Variants in EHBP1 observed in about 807,000 individuals in gnomAD.
EHBP1 encodes the protein EH domain binding protein 1, also known as EH domain-binding protein 1.
Under a neutral mutation model 144.0 loss-of-function variants are expected in EHBP1, and 55 were observed. The ratio of observed to expected loss-of-function variants is 0.38; its 90% CI spans 0.31 to 0.48. The LOEUF (loss-of-function observed/expected upper bound fraction) is 0.48. Ranked by LOEUF, EHBP1 falls within the 20% of genes least tolerant of loss-of-function variation. The probability of loss-of-function intolerance (pLI) is 0.98; values close to 1 mark genes in which losing one functional copy is unlikely to be tolerated. For synonymous variants in EHBP1, 469 were observed against 472.7 expected, an observed-to-expected ratio of 0.99 and a Z score of 0.10; for missense variants, 1,200 against 1,364.2, an observed-to-expected ratio of 0.88 and a Z score of 1.90.
chr2:63,035,051 T>C (rs985047867), intron 19 of EHBP1, among the ~76,000 whole-genome samples: 1 of 152,046 alleles, frequency 6.6e-6, no homozygotes, highest in Admixed American at 6.6e-5. Context: ...TTGTTACTTA[T>C]AAAGCTAAAG....
rs2041601796 is a variant in EHBP1, at chr2:62,770,813, C to G, written c.259-526C>G. 2.0e-5 allele frequency among the ~76,000 whole-genome samples: 3 copies of G among 152,186 alleles called. No individual in the cohort carries two copies. In the South Asian group the frequency reaches 6.2e-4, roughly 32 times the overall value. On this transcript the variant is annotated intron_variant, in intron 4 of 22. Transcript: ENST00000431489. ...TGTTGTATATGTATACAGTGGAATA[C>G]TATGCGGCCATAAAAAGGAATGAGA...
Position 62,871,690 on chromosome 2 carries a change from A to G in EHBP1, c.999-2656A>G, listed in dbSNP as rs144117896. ...CACCTTCCATTACCAAACTTCCTGTATACTCTGACATTAAACTATCACAAA... is the reference window on the plus strand; with the variant it reads ...CACCTTCCATTACCAAACTTCCTGTGTACTCTGACATTAAACTATCACAAA... On this transcript the variant is annotated intron_variant, in intron 9 of 22. Transcript: ENST00000431489. Among the ~76,000 whole-genome samples the G allele has an allele frequency of 1.1e-3, 171 of 152,326 alleles. 1 individual carries two copies. The highest frequency in any genetic ancestry group is 3.9e-3 in the African/African-American group (162 of 41,574).
chr2:62,905,797 C>G (rs944782435), intron 10 of EHBP1, among the ~76,000 whole-genome samples: 2 of 152,012 alleles, frequency 1.3e-5, no homozygotes, highest in Non-Finnish European at 1.5e-5. Context: ...GCACTCCAGC[C>G]TGGGCGACAG....
chr2:62,921,508 G>A (rs1203055071), intron 10 of EHBP1, among the ~76,000 whole-genome samples: 1 of 150,138 alleles, frequency 6.7e-6, no homozygotes, highest in East Asian at 2.0e-4. Context: ...AAGAACATAC[G>A]CTAAAGGAAA....
intron 19 of EHBP1, among the ~76,000 whole-genome samples, chr2:63,021,186 CCTCTT>C (rs763249360): frequency 4.6e-5 from 7 of 151,826 alleles, no homozygotes; most frequent in Admixed American, 1.3e-4. Flanking sequence ...TCATAACTCT[CCTCTT>C]CTCTGCAACT....
chr2:62,817,229 A>T (rs946547390), intron 5 of EHBP1, among the ~76,000 whole-genome samples: 1 of 152,200 alleles, frequency 6.6e-6, no homozygotes, highest in African/African-American at 2.4e-5. Context: ...GTAAAGGGGA[A>T]TATGAAATGT....
At chr2:62,865,154 ATG>A (rs1186323262) in intron 9 of EHBP1, among the ~76,000 whole-genome samples, 183 bp downstream of exon 9, 2 of 152,114 alleles carry the variant, frequency 1.3e-5, no homozygotes, top group Non-Finnish European at 2.9e-5. Context: ...TCTTCCAGGT[ATG>A]TGTGTGTGTA....
At chr2:62,816,527 G>A (rs1465204948) in intron 5 of EHBP1, among the ~76,000 whole-genome samples, 1 of 152,174 alleles carries the variant, frequency 6.6e-6, no homozygotes, top group Non-Finnish European at 1.5e-5. Context: ...TCCAGGAAAA[G>A]CCAGTGATTA....
At chr2:62,937,302 C>T (rs924969369) in intron 10 of EHBP1, among the ~76,000 whole-genome samples, 1 of 152,162 alleles carries the variant, frequency 6.6e-6, no homozygotes, top group Non-Finnish European at 1.5e-5. Flanking sequence ...ATAGGAACTC[C>T]TCTGCTTCCT....
At chr2:62,773,191 C>T (rs529823851) in intron 5 of EHBP1, among the ~76,000 whole-genome samples, 22 of 152,256 alleles carry the variant, frequency 1.4e-4, no homozygotes, top group African/African-American at 5.3e-4. Flanking sequence ...TATATTCTCA[C>T]CTGGAAGATA....
intron 10 of EHBP1, among the ~76,000 whole-genome samples, chr2:62,921,167 T>C (rs2055046619): frequency 1.3e-5 from 2 of 152,144 alleles, no homozygotes; most frequent in Non-Finnish European, 2.9e-5. Context: ...AATCCAAAGC[T>C]GGGCATGGTG....
chr2:62,825,562 G>A (rs921268784), intron 5 of EHBP1, among the ~76,000 whole-genome samples: 3 of 146,592 alleles, frequency 2.0e-5, no homozygotes, highest in Admixed American at 6.8e-5. Context: ...GCCTGGGGAA[G>A]AAATAAGACT....
chr2:62,707,436 C>G (rs1263736266), intron 2 of EHBP1, 141 bp downstream of exon 2: 2 of 643,854 alleles, frequency 3.1e-6, no homozygotes, highest in Admixed American at 4.5e-5. Context: ...ATAACTCTAA[C>G]AAGTACTGTG....
At position 62,719,123 on chromosome 2, in the gene EHBP1, G is replaced by A. The variant is rs1558543138; in HGVS notation, c.104+11828G>A. 4.6e-5 allele frequency among the ~76,000 whole-genome samples: 7 copies of A among 151,602 alleles called. 1 individual carries two copies. In the South Asian group the frequency reaches 1.3e-3, roughly 27 times the overall value. On this transcript the variant is annotated intron_variant, in intron 2 of 22. Transcript: ENST00000431489. ...TGGTACTACAGATGTGTGTCACCACGCCCGGCTAATTTTTTGTATTTTTTG... is the reference window on the plus strand; with the variant it reads ...TGGTACTACAGATGTGTGTCACCACACCCGGCTAATTTTTTGTATTTTTTG...
intron 10 of EHBP1, among the ~76,000 whole-genome samples, chr2:62,886,667 A>G (rs2051955925): frequency 6.6e-6 from 1 of 152,230 alleles, no homozygotes; most frequent in Non-Finnish European, 1.5e-5. Context: ...AATCAGCCTC[A>G]GTGTATCTGC....
At position 62,931,767 on chromosome 2, in the gene EHBP1, G is replaced by T. The variant is rs2056008628; in HGVS notation, c.1186-10951G>T. Among the ~76,000 whole-genome samples the T allele has an allele frequency of 2.0e-5, 3 of 152,174 alleles. No individual in the cohort carries two copies. In the South Asian group the frequency reaches 6.2e-4, roughly 32 times the overall value. On this transcript the variant is annotated intron_variant, in intron 10 of 22. Transcript: ENST00000431489. ...TGTATCCATGCTGTATATGCCACCTGTTAGTCACTTAGTAGTGGCTGTTGG... is the reference window on the plus strand; with the variant it reads ...TGTATCCATGCTGTATATGCCACCTTTTAGTCACTTAGTAGTGGCTGTTGG...
chr2:62,852,749 C>T (rs2048768124), intron 7 of EHBP1, among the ~76,000 whole-genome samples: 1 of 152,058 alleles, frequency 6.6e-6, no homozygotes, highest in Non-Finnish European at 1.5e-5. Flanking sequence ...TGATCCTACA[C>T]TCCATTATAT....
chr2:62,683,263 G>C (rs1257482578), intron 1 of EHBP1, among the ~76,000 whole-genome samples: 1 of 152,102 alleles, frequency 6.6e-6, no homozygotes, highest in East Asian at 1.9e-4. Context: ...GTCAAACAGA[G>C]ACAATACTCT....
At chr2:62,872,702 G>A (rs2050584904) in intron 9 of EHBP1, among the ~76,000 whole-genome samples, 1 of 152,100 alleles carries the variant, frequency 6.6e-6, no homozygotes, top group African/African-American at 2.4e-5. Flanking sequence ...ATACCAGGAT[G>A]TTTTCATTAC....
Sources: allele counts gnomAD v4.1 joint callset (sites outside exome capture counted in the v4.1 genomes callset), GRCh38; gene constraint gnomAD v4.1.1; transcripts MANE v1.5; gene names NCBI Gene and HGNC (gene_info 2026-07-23, HGNC 2026-07-21).